Variants in FAM107B observed in about 807,000 individuals in gnomAD.
FAM107B encodes the protein family with sequence similarity 107 member B.
A neutral mutation model predicts 31.5 loss-of-function variants in FAM107B; 21 were observed. The observed-to-expected ratio is 0.67, with a 90% CI of 0.47 to 0.96. FAM107B has a LOEUF of 0.96. Ranked by LOEUF, FAM107B falls within the 40% of genes least tolerant of loss-of-function variation. FAM107B has a pLI of 0.00. For missense variants in FAM107B, 452 were observed against 377.1 expected, an observed-to-expected ratio of 1.20 and a Z score of -1.64; for synonymous variants, 157 against 141.5, an observed-to-expected ratio of 1.11 and a Z score of -0.78.
intron 2 of FAM107B, among the ~76,000 whole-genome samples, chr10:14,594,501 C>CAAA (rs371126997): frequency 2.5e-4 from 20 of 80,110 alleles, no homozygotes; most frequent in African/African-American, 7.0e-4. Context: ...AAGACCCTGC[C>CAAA]AAAAAAAAAA....
chr10:14,723,253 A>G, intron 1 of FAM107B: 1 of 533,582 alleles, frequency 1.9e-6, no homozygotes. Context: ...GGGGCCGAGC[A>G]CTCCAGTCTT....
At chr10:14,714,526 T>G (rs1855737926) in intron 1 of FAM107B, among the ~76,000 whole-genome samples, 1 of 152,134 alleles carries the variant, frequency 6.6e-6, no homozygotes. Flanking sequence ...CACACCTCAG[T>G]AGACAGCAGG....
intron 1 of FAM107B, among the ~76,000 whole-genome samples, chr10:14,668,039 T>G (rs756084046): frequency 6.6e-6 from 1 of 151,148 alleles, no homozygotes; most frequent in Non-Finnish European, 1.5e-5. Flanking sequence ...GTTTTTTTTG[T>G]TTTTTGTTTT....
In FAM107B at chr10:14,519,330, C is replaced by A. The variant is rs535094539; in HGVS notation, c.*1860G>T. 1 of 151,906 alleles carries A rather than the reference C, an allele frequency of 6.6e-6. No homozygotes were observed. Among genetic ancestry groups the A allele is most frequent in the Non-Finnish European group, 1.5e-5 (1 of 67,988 alleles). The allele number at this position is 151,906 out of a possible 1,614,324, so 9.4% of individuals were successfully genotyped here. ...TAGATAAAAAGATATGAGCCAGTCC[C>A]GAATCTTCATTTTACAAACAGCATC... On this transcript the variant is annotated 3_prime_UTR_variant, in exon 5 of 5. Transcript: ENST00000181796.
At chr10:14,705,645 A>G (rs1016040459) in intron 1 of FAM107B, among the ~76,000 whole-genome samples, 1 of 152,112 alleles carries the variant, frequency 6.6e-6, no homozygotes. Flanking sequence ...TTCCACTCCT[A>G]CAAGGTCCCT....
intron 2 of FAM107B, chr10:14,604,197 CCCT>C: frequency 1.0e-6 from 1 of 979,380 alleles, no homozygotes. Context: ...CTCCCCGCGC[CCCT>C]CGTCTTTGTG....
At chr10:14,575,688 C>T (rs892759114) in intron 2 of FAM107B, among the ~76,000 whole-genome samples, 5 of 152,162 alleles carry the variant, frequency 3.3e-5, no homozygotes, top group Admixed American at 2.6e-4. Flanking sequence ...CAACTGACAA[C>T]CAGAAAAACA....
chr10:14,524,514 C>G (rs1236494836), intron 3 of FAM107B, among the ~76,000 whole-genome samples: 1 of 152,088 alleles, frequency 6.6e-6, no homozygotes, highest in Non-Finnish European at 1.5e-5. Flanking sequence ...TCACAGTTAT[C>G]AAAACTAAAT....
intron 2 of FAM107B, among the ~76,000 whole-genome samples, chr10:14,558,733 G>A (rs1469319504): frequency 1.3e-5 from 2 of 152,142 alleles, no homozygotes; most frequent in Non-Finnish European, 1.5e-5. Context: ...AGTGTGTGGA[G>A]CTGGAGACCA....
chr10:14,531,710 C>T (rs7071301), intron 2 of FAM107B, among the ~76,000 whole-genome samples: 18,095 of 151,726 alleles, frequency 0.12, 1,191 homozygotes, highest in Non-Finnish European at 0.15. Flanking sequence ...GGCGTGGTGG[C>T]GTAGTCCCAG....
chr10:14,570,386 T>C (rs1851114571), intron 2 of FAM107B, among the ~76,000 whole-genome samples: 1 of 152,140 alleles, frequency 6.6e-6, no homozygotes, highest in Non-Finnish European at 1.5e-5. Context: ...ACTGTGAGAA[T>C]GACTGCCCAA....
intron 2 of FAM107B, among the ~76,000 whole-genome samples, chr10:14,558,919 A>G (rs1165318649): frequency 1.3e-5 from 2 of 152,078 alleles, no homozygotes; most frequent in Admixed American, 1.3e-4. Flanking sequence ...AATAAATTTC[A>G]ACTGCTGAGT....
At chr10:14,613,886 T>G (rs1220203139) in intron 2 of FAM107B, among the ~76,000 whole-genome samples, 1 of 152,166 alleles carries the variant, frequency 6.6e-6, no homozygotes, top group African/African-American at 2.4e-5. Context: ...ATCCAAGCAC[T>G]TTGGGAGGCC....
At chr10:14,740,975 G>C (rs932699176) in intron 1 of FAM107B, among the ~76,000 whole-genome samples, 27 of 152,296 alleles carry the variant, frequency 1.8e-4, no homozygotes, top group Admixed American at 1.4e-3. Flanking sequence ...AGTAAATCCA[G>C]TTTGGCGGCC....
chr10:14,589,045 G>A (rs938548359), intron 2 of FAM107B, among the ~76,000 whole-genome samples: 1 of 151,834 alleles, frequency 6.6e-6, no homozygotes, highest in South Asian at 2.1e-4. Flanking sequence ...AGCCGGGTGT[G>A]GTGGTGCATG....
chr10:14,601,472 G>A (rs1852396220), intron 2 of FAM107B, among the ~76,000 whole-genome samples: 1 of 152,084 alleles, frequency 6.6e-6, no homozygotes, highest in South Asian at 2.1e-4. Context: ...TTAGACAAGG[G>A]AACTATACAA....
chr10:14,699,564 G>T (rs954535601), intron 1 of FAM107B, among the ~76,000 whole-genome samples: 1 of 152,308 alleles, frequency 6.6e-6, no homozygotes, highest in East Asian at 1.9e-4. Flanking sequence ...TATCAAGCCC[G>T]CAATGAATCG....
intron 2 of FAM107B, among the ~76,000 whole-genome samples, chr10:14,548,835 C>T (rs1316899996): frequency 1.5e-5 from 1 of 64,526 alleles, no homozygotes; most frequent in African/African-American, 4.6e-5. Flanking sequence ...CGCACACACA[C>T]GCACACACAC....
At chr10:14,693,996 T>G (rs1235685296) in intron 1 of FAM107B, among the ~76,000 whole-genome samples, 1 of 152,252 alleles carries the variant, frequency 6.6e-6, no homozygotes, top group African/African-American at 2.4e-5. Flanking sequence ...TCTAGCCTAT[T>G]TCACTTAGCA....
Sources: allele counts gnomAD v4.1 joint callset (sites outside exome capture counted in the v4.1 genomes callset), GRCh38; gene constraint gnomAD v4.1.1; transcripts MANE v1.5; gene names NCBI Gene and HGNC (gene_info 2026-07-23, HGNC 2026-07-21).